Variants in NELL1 observed in about 807,000 individuals in gnomAD.
NELL1 encodes the protein protein kinase C-binding protein NELL1.
In NELL1, 76 loss-of-function variants were observed where a neutral mutation model predicts 107.4. The observed-to-expected ratio is 0.71, with a 90% confidence interval of 0.59 to 0.86. The LOEUF (loss-of-function observed/expected upper bound fraction) is 0.86, where lower values mean the gene tolerates loss of function less well. NELL1 is among the 40% of genes least tolerant of loss of function. The pLI, the probability that NELL1 is intolerant of heterozygous loss-of-function variation, is 0.00. For missense variants in NELL1, 1,024 were observed against 1,005.5 expected, an observed-to-expected ratio of 1.02 and a Z score of -0.25; for synonymous variants, 353 against 341.2, an observed-to-expected ratio of 1.03 and a Z score of -0.38.
chr11:21,250,322 G>C (rs1205732035), intron 14 of NELL1, among the ~76,000 whole-genome samples: 2 of 152,094 alleles, frequency 1.3e-5, no homozygotes, highest in East Asian at 1.9e-4. Context: ...ATGCATATGT[G>C]GGCTTTTTAG....
chr11:20,766,739 T>G (rs767877144), intron 2 of NELL1, among the ~76,000 whole-genome samples: 1 of 149,080 alleles, frequency 6.7e-6, no homozygotes, highest in African/African-American at 2.5e-5. Flanking sequence ...CCTATTGACA[T>G]ATTTTTTTTT....
chr11:20,833,822 T>C (rs1344547923), intron 3 of NELL1, among the ~76,000 whole-genome samples: 1 of 152,078 alleles, frequency 6.6e-6, no homozygotes, highest in Non-Finnish European at 1.5e-5. Flanking sequence ...TGCATTGTAG[T>C]GGGAGGGATC....
intron 16 of NELL1, among the ~76,000 whole-genome samples, chr11:21,544,049 A>G (rs77719445): frequency 0.012 from 1,862 of 152,112 alleles, 41 homozygotes; most frequent in East Asian, 0.078. Context: ...AATGGCAACT[A>G]TGACTAGTCA....
chr11:21,506,582 T>A (rs1855284421), intron 15 of NELL1, among the ~76,000 whole-genome samples: 1 of 152,206 alleles, frequency 6.6e-6, no homozygotes, highest in African/African-American at 2.4e-5. Context: ...AAATGGGACA[T>A]GGGGCCAACA....
At chr11:21,274,627 A>C (rs1848813886) in intron 14 of NELL1, among the ~76,000 whole-genome samples, 3 of 152,208 alleles carry the variant, frequency 2.0e-5, no homozygotes, top group Non-Finnish European at 2.9e-5. Context: ...CACTTATTCC[A>C]AAATTGACCA....
At chr11:21,472,679 T>C (rs1285189045) in intron 15 of NELL1, among the ~76,000 whole-genome samples, 6 of 151,980 alleles carry the variant, frequency 3.9e-5, no homozygotes, top group Non-Finnish European at 8.8e-5. Context: ...ACATACTTAT[T>C]TTTTTCTTTT....
chr11:21,519,885 A>G (rs1855674718), intron 15 of NELL1, among the ~76,000 whole-genome samples: 3 of 152,104 alleles, frequency 2.0e-5, no homozygotes, highest in South Asian at 2.1e-4. Context: ...CTCCTCTGCT[A>G]TTTTCCCAGA....
At chr11:21,370,492 A>G (rs546042840) in intron 14 of NELL1, among the ~76,000 whole-genome samples, 1 of 152,222 alleles carries the variant, frequency 6.6e-6, no homozygotes, top group East Asian at 1.9e-4. Flanking sequence ...AAAATAGTGA[A>G]CATTAGAAAG....
intron 3 of NELL1, among the ~76,000 whole-genome samples, chr11:20,814,771 T>C (rs1348445292): frequency 6.6e-6 from 1 of 152,190 alleles, no homozygotes; most frequent in Non-Finnish European, 1.5e-5. Flanking sequence ...TGTGAGCTCA[T>C]GTGTCTTTTT....
rs1449739609 is a variant in NELL1, at chr11:21,401,714, G to A, written c.1645+30766G>A. On this transcript the variant is annotated intron_variant, in intron 15 of 19. Coordinates refer to ENST00000357134, the MANE Select transcript of NELL1 (RefSeq NM_006157.5). ...CTTAAGCTATTCATAGGATAAGAAA[G>A]CATGTTTGACCTTGCAGTAGGTAAC... 2.0e-5 allele frequency among the ~76,000 whole-genome samples: 3 copies of A among 151,708 alleles called. No homozygotes were observed. In the East Asian group the frequency reaches 5.9e-4, roughly 30 times the overall value.
chr11:21,548,190 G>A (rs1267986683), intron 16 of NELL1, among the ~76,000 whole-genome samples: 1 of 151,846 alleles, frequency 6.6e-6, no homozygotes, highest in Non-Finnish European at 1.5e-5. Flanking sequence ...TGGGGTAAAT[G>A]GCAAAGAGTC....
rs561118555 is a variant in NELL1, at chr11:20,927,324, C to G, written c.776C>G (p.Thr259Arg). Reference protein sequence around the residue: ...KMTAKLNYAETRLSQLENCHC... With the variant: ...KMTAKLNYAERRLSQLENCHC... The stretch of plus-strand genomic sequence containing the variant: ...TGTTTGCAGCTAAATTATGCAGAGA[C>G]AAGACTTAGTCAATTGGAAAACTGT... Residue 259 changes from threonine (T) to arginine (R), a missense_variant, in exon 8 of 20, where the codon ACA (threonine) becomes AGA (arginine). Physicochemically the swap from Thr to Arg is moderately conservative, Grantham distance 71. Coordinates refer to ENST00000357134, the MANE Select transcript of NELL1 (RefSeq NM_006157.5). 1.2e-6 allele frequency: 2 copies of G among 1,610,940 alleles called. No homozygotes were observed. The highest frequency in any genetic ancestry group is 2.7e-5 in the African/African-American group (2 of 74,726).
In NELL1 at chr11:21,492,784, T is replaced by A. The variant is rs191016926; in HGVS notation, c.1646-41590T>A. Among the ~76,000 whole-genome samples, 504 of 148,526 alleles carry A rather than the reference T, an allele frequency of 3.4e-3. 5 individuals carry two copies. The highest frequency in any genetic ancestry group is 0.011 in the African/African-American group (467 of 40,678). ...GGGGGAGGGATAGCATTAGGAGATATACCTAATGTTAAATGACGAGTTAAT... is the reference window on the plus strand; with the variant it reads ...GGGGGAGGGATAGCATTAGGAGATAAACCTAATGTTAAATGACGAGTTAAT... On this transcript the variant is annotated intron_variant, in intron 15 of 19. Transcript: ENST00000357134.
chr11:20,707,309 T>G (rs1854990930), intron 2 of NELL1, among the ~76,000 whole-genome samples: 1 of 152,164 alleles, frequency 6.6e-6, no homozygotes, highest in Admixed American at 6.5e-5. Context: ...GGTTTGAACT[T>G]CCTCCTTTAG....
intron 12 of NELL1, among the ~76,000 whole-genome samples, chr11:21,002,396 T>C (rs1852242928): frequency 7.6e-6 from 1 of 130,882 alleles, no homozygotes. Context: ...AGGGAAATGC[T>C]GTTAGTGGGG....
chr11:20,769,268 G>A (rs1856594686), intron 2 of NELL1: 1 of 152,342 alleles, frequency 6.6e-6, no homozygotes, highest in Non-Finnish European at 1.5e-5. Context: ...AGAAGGCAGA[G>A]GAGTGCACAA....
intron 11 of NELL1, among the ~76,000 whole-genome samples, chr11:20,949,902 G>A (rs552873211): frequency 6.6e-6 from 1 of 152,274 alleles, no homozygotes; most frequent in Admixed American, 6.5e-5. Flanking sequence ...TTCCTTCTCA[G>A]CCAGGAAACA....
rs544002678 is a variant in NELL1, at chr11:21,292,112, A to G, written c.1549+62658A>G. ...AAGAGAAAGAAATAAAGTGTATTCA[A>G]ATAGAAAGAGAGGAAGTCAAATTGT... On this transcript the variant is annotated intron_variant, in intron 14 of 19. Transcript: ENST00000357134. Among the ~76,000 whole-genome samples the G allele has an allele frequency of 1.2e-4, 19 of 152,324 alleles. No individual in the cohort carries two copies. In the South Asian group the frequency reaches 3.5e-3, roughly 28 times the overall value.
In NELL1 at chr11:21,331,495, C is replaced by G. The variant is rs75405881; in HGVS notation, c.1550-39358C>G. On this transcript the variant is annotated intron_variant, in intron 14 of 19. Coordinates refer to ENST00000357134, the MANE Select transcript of NELL1 (RefSeq NM_006157.5). Reference sequence around the variant, plus strand: ...ATGCAGGCTTTGGCATGCTCACAGTCACTCTGGGAGACAGTAGTTTTCTCA... The same window carrying G: ...ATGCAGGCTTTGGCATGCTCACAGTGACTCTGGGAGACAGTAGTTTTCTCA... Among the ~76,000 whole-genome samples, 979 of 152,184 alleles carry G rather than the reference C, an allele frequency of 6.4e-3. 10 individuals carry two copies. Among genetic ancestry groups the G allele is most frequent in the African/African-American group, 0.022 (905 of 41,540 alleles).
Sources: gnomAD v4.1 joint callset for allele counts (sites outside exome capture counted in the v4.1 genomes callset) on GRCh38, gnomAD v4.1.1 for gene constraint, MANE v1.5 for transcripts, NCBI Gene and HGNC (gene_info 2026-07-23, HGNC 2026-07-21) for gene names.